Variants in KITLG observed in about 807,000 individuals in gnomAD.
KITLG encodes the protein KIT ligand.
Under a neutral mutation model 34.1 loss-of-function variants are expected in KITLG, and 13 were observed. The ratio of observed to expected loss-of-function variants is 0.38; its 90% CI spans 0.25 to 0.61. The LOEUF (loss-of-function observed/expected upper bound fraction) is 0.61. Ranked by LOEUF, KITLG falls within the 20% of genes least tolerant of loss-of-function variation. The pLI is 0.60. For synonymous variants in KITLG, 110 were observed against 104.0 expected, an observed-to-expected ratio of 1.06 and a Z score of -0.35; for missense variants, 292 against 318.9, an observed-to-expected ratio of 0.92 and a Z score of 0.64.
chr12:88,568,708 C>A (rs981017191), intron 1 of KITLG, among the ~76,000 whole-genome samples: 3 of 151,904 alleles, frequency 2.0e-5, no homozygotes, highest in Admixed American at 6.6e-5. Context: ...AGCAGGAAAC[C>A]GTGTTAATTC....
At position 88,515,637 on chromosome 12, in the gene KITLG, G is replaced by C; in HGVS notation, c.521-20C>G. ...TGGAATCTAAATAGAAAGCAATAAT[G>C]TGTCAGTGTTATATGGTGATTTGTA... On this transcript the variant is annotated intron_variant, in intron 5 of 9. Coordinates refer to ENST00000644744, the MANE Select transcript of KITLG (RefSeq NM_000899.5). The C allele has an allele frequency of 6.5e-7, 1 of 1,549,778 alleles. No homozygotes were observed. The highest frequency in any genetic ancestry group is 8.9e-7 in the Non-Finnish European group (1 of 1,122,658).
chr12:88,502,416 C>T (rs1868896599), intron 9 of KITLG, among the ~76,000 whole-genome samples: 1 of 152,140 alleles, frequency 6.6e-6, no homozygotes, highest in South Asian at 2.1e-4. Context: ...ACAAACCCTA[C>T]TTCAGAAGAA....
intron 1 of KITLG, among the ~76,000 whole-genome samples, chr12:88,551,080 A>G (rs762183316): frequency 2.8e-4 from 42 of 152,212 alleles, no homozygotes; most frequent in Admixed American, 4.6e-4. Context: ...GAACATTCAA[A>G]TATCTCTGAA....
chr12:88,579,746 A>T (rs999064847), intron 1 of KITLG, among the ~76,000 whole-genome samples: 2 of 151,102 alleles, frequency 1.3e-5, no homozygotes, highest in Non-Finnish European at 2.9e-5. Flanking sequence ...GCTGCCGCTT[A>T]GGAGTTCCGC....
chr12:88,561,997 T>C (rs1207778723), intron 1 of KITLG, among the ~76,000 whole-genome samples: 1 of 152,228 alleles, frequency 6.6e-6, no homozygotes, highest in Non-Finnish European at 1.5e-5. Flanking sequence ...TTAAGCACTT[T>C]TCATTCTCAG....
chr12:88,507,553 G>C (rs1869109199), intron 6 of KITLG, among the ~76,000 whole-genome samples: 1 of 152,178 alleles, frequency 6.6e-6, no homozygotes, highest in South Asian at 2.1e-4. Context: ...CCTGGATCAA[G>C]ATCTGTATGC....
intron 5 of KITLG, among the ~76,000 whole-genome samples, chr12:88,515,952 G>A (rs1219428636): frequency 2.0e-5 from 3 of 151,788 alleles, no homozygotes; most frequent in Non-Finnish European, 4.4e-5. Flanking sequence ...TTAATACAGA[G>A]TAACTGGGGA....
intron 1 of KITLG, among the ~76,000 whole-genome samples, chr12:88,578,258 TA>T (rs1323974846): frequency 6.6e-6 from 1 of 151,934 alleles, no homozygotes; most frequent in Admixed American, 6.6e-5. Flanking sequence ...GAAGTATTCT[TA>T]AAAAAAACCT....
Position 88,496,504 on chromosome 12 carries a change from T to C in KITLG, c.*715A>G, listed in dbSNP as rs2120773378. ...TCTTCCTGCGATGACTCTTTTGGAG[T>C]CTCCCCTCTGCCAAGGCATAATTCA... On this transcript the variant is annotated 3_prime_UTR_variant, in exon 10 of 10. Transcript: ENST00000644744. The C allele has an allele frequency of 6.6e-6, 1 of 152,224 alleles. No homozygotes were observed. The highest frequency in any genetic ancestry group is 1.9e-4 in the East Asian group (1 of 5,154). 9.4% of individuals were successfully genotyped at this position (152,224 alleles called of 1,614,324 possible).
chr12:88,516,444 G>T lies in KITLG; in HGVS notation c.410C>A (p.Pro137His). 1 of 1,607,464 alleles carries T rather than the reference G, an allele frequency of 6.2e-7. No homozygotes were observed. The highest frequency in any genetic ancestry group is 1.1e-5 in the South Asian group (1 of 90,444). Residue 137 changes from proline (P) to histidine (H), a missense_variant, in exon 5 of 10, where the codon CCT (proline) becomes CAT (histidine). Pro to His is a moderately conservative substitution (Grantham distance 77, BLOSUM62 -2). Coordinates refer to ENST00000644744, the MANE Select transcript of KITLG (RefSeq NM_000899.5). ...FKSPEPRLFT[P>H]EEFFRIFNRS... ...ATTAAAAATTCTAAAGAATTCTTCA[G>T]GAGTAAAGAGCCTGGGTTCTGGGCT... is the stretch of plus-strand genomic sequence containing the variant.
intron 3 of KITLG, among the ~76,000 whole-genome samples, chr12:88,522,466 C>T (rs1383401102): frequency 6.8e-6 from 1 of 148,112 alleles, no homozygotes; most frequent in Non-Finnish European, 1.5e-5. Context: ...TTGCTCTTCT[C>T]GCCCACGCTG....
chr12:88,506,425 TCTAA>T, intron 7 of KITLG, 47 bp from the exon 8 acceptor site: 1 of 1,348,338 alleles, frequency 7.4e-7, no homozygotes, highest in Non-Finnish European at 1.1e-6. Context: ...CAATGAATGG[TCTAA>T]TATTTAAGAG....
At chr12:88,574,739 A>G (rs1262788875) in intron 1 of KITLG, among the ~76,000 whole-genome samples, 1 of 152,204 alleles carries the variant, frequency 6.6e-6, no homozygotes, top group Non-Finnish European at 1.5e-5. Context: ...GACAGAAAAA[A>G]AACAGGCAAA....
chr12:88,573,475 C>T (rs899451028), intron 1 of KITLG, among the ~76,000 whole-genome samples: 24 of 152,144 alleles, frequency 1.6e-4, no homozygotes, highest in African/African-American at 5.3e-4. Context: ...TTCACTGCCA[C>T]TCAAATACTC....
chr12:88,544,200 G>A (rs4104478), intron 2 of KITLG, among the ~76,000 whole-genome samples: 2,308 of 152,154 alleles, frequency 0.015, 48 homozygotes, highest in African/African-American at 0.049. Flanking sequence ...ACTATGTGCT[G>A]TGTGTCAAAT....
At chr12:88,567,144 T>C (rs1392808419) in intron 1 of KITLG, among the ~76,000 whole-genome samples, 2 of 152,164 alleles carry the variant, frequency 1.3e-5, no homozygotes, top group Non-Finnish European at 2.9e-5. Context: ...TTAATATATA[T>C]ATATTTGTTT....
rs916774522 is a variant in KITLG, at chr12:88,505,293, C to T, written c.783-58G>A. The T allele has an allele frequency of 1.5e-5, 20 of 1,363,886 alleles. No individual in the cohort carries two copies. In the African/African-American group the frequency reaches 2.2e-4, roughly 15 times the overall value. 84.5% of individuals were successfully genotyped at this position (1,363,886 alleles called of 1,614,324 possible). On this transcript the variant is annotated intron_variant, in intron 8 of 9. Transcript: ENST00000644744. Reference sequence around the variant, plus strand: ...TCTTGGTCAGAGATTCTGAGGTACACCATGATCTCGGCATTGTAAAAGGCA... The same window carrying T: ...TCTTGGTCAGAGATTCTGAGGTACATCATGATCTCGGCATTGTAAAAGGCA...
chr12:88,569,774 C>T (rs1006248103), intron 1 of KITLG, among the ~76,000 whole-genome samples: 12 of 151,886 alleles, frequency 7.9e-5, no homozygotes, highest in African/African-American at 2.4e-4. Flanking sequence ...ACTTTTTAGC[C>T]AACATTTTCA....
At chr12:88,545,720 T>C (rs1870696638) in intron 2 of KITLG, 32 bp downstream of exon 2, 1 of 1,268,160 alleles carries the variant, frequency 7.9e-7, no homozygotes, top group Non-Finnish European at 1.1e-6. Context: ...CAGCTCTTTT[T>C]TACACAGCAC....
Sources: allele counts gnomAD v4.1 joint callset (sites outside exome capture counted in the v4.1 genomes callset), GRCh38; gene constraint gnomAD v4.1.1; transcripts MANE v1.5; gene names NCBI Gene and HGNC (gene_info 2026-07-23, HGNC 2026-07-21).